Variants in ERAP1 observed in about 807,000 individuals in gnomAD.
The protein encoded by ERAP1 is adipocyte-derived leucine aminopeptidase.
A neutral mutation model predicts 103.7 loss-of-function variants in ERAP1; 86 were observed. The ratio of observed to expected loss-of-function variants is 0.83; its 90% CI spans 0.70 to 0.99. The LOEUF (loss-of-function observed/expected upper bound fraction) is 0.99, where lower values mean the gene tolerates loss of function less well. Among genes scored for constraint, ERAP1 ranks in the 50% least tolerant of loss-of-function variants. The pLI is 0.00. For missense variants in ERAP1, 1,009 were observed against 1,128.4 expected (o/e 0.89, Z 1.52); for synonymous variants, 398 against 402.4 (o/e 0.99, Z 0.13).
At chr5:96,876,958 A>G in the ERAP1 span, among the ~76,000 whole-genome samples, 1 of 151,938 alleles carries the variant, frequency 6.6e-6, no homozygotes, top group Non-Finnish European at 1.5e-5. Context: ...CTGTTTATTT[A>G]ATTTAATTTA....
At chr5:96,853,988 A>G in the ERAP1 span, among the ~76,000 whole-genome samples, 1 of 152,164 alleles carries the variant, frequency 6.6e-6, no homozygotes, top group Non-Finnish European at 1.5e-5. Flanking sequence ...CAGGTAAAAG[A>G]TGGGTTTTGA....
chr5:96,765,328 A>G, intron 19 of ERAP1: 1 of 8,666 alleles, frequency 1.2e-4, no homozygotes, highest in South Asian at 2.3e-3. Flanking sequence ...AAGTAAAGGT[A>G]AAAAAAAAAA....
chr5:96,808,093 G>A (rs1047649028), upstream of ERAP1: 3 of 985,574 alleles, frequency 3.0e-6, no homozygotes, highest in African/African-American at 3.5e-5. Flanking sequence ...CCCAGGAAGG[G>A]AATTGGTAAA....
chr5:96,908,978 T>C, the ERAP1 span: 2 of 1,614,152 alleles, frequency 1.2e-6, no homozygotes, highest in South Asian at 1.1e-5. Context: ...AGACTGACCC[T>C]AGACAAAGCT....
chr5:96,880,020 G>A, the ERAP1 span: 1 of 1,614,114 alleles, frequency 6.2e-7, no homozygotes, highest in Non-Finnish European at 8.5e-7. Flanking sequence ...ATCTTGCACA[G>A]CAAAGATCTT....
intron 19 of ERAP1, among the ~76,000 whole-genome samples, chr5:96,766,516 G>C (rs953389089): frequency 6.6e-6 from 1 of 152,178 alleles, no homozygotes. Flanking sequence ...CTGGTGTTGG[G>C]ATAATTAATA....
chr5:96,776,100 G>T lies in ERAP1; in HGVS notation c.*296C>A. The T allele has an allele frequency of 7.5e-7, 1 of 1,333,354 alleles. No individual in the cohort carries two copies. Among genetic ancestry groups the T allele is most frequent in the South Asian group, 1.3e-5 (1 of 75,956 alleles). 82.6% of individuals were successfully genotyped at this position (1,333,354 alleles called of 1,614,324 possible). On this transcript the variant is annotated 3_prime_UTR_variant, in exon 19 of 19. Coordinates refer to ENST00000443439, the MANE Select transcript of ERAP1 (RefSeq NM_001040458.3). ...ATGGGGTACAGGGTTTTGGACACGG[G>T]TGCTTAAGCATAAACTATAAAATGA...
the ERAP1 span, among the ~76,000 whole-genome samples, chr5:96,860,243 G>A: frequency 4.6e-5 from 7 of 151,976 alleles, no homozygotes; most frequent in Admixed American, 2.0e-4. Flanking sequence ...TGGTACAGAC[G>A]GAGTTTCACC....
chr5:96,809,337 T>C (rs905023304), upstream of ERAP1, among the ~76,000 whole-genome samples: 2 of 152,196 alleles, frequency 1.3e-5, no homozygotes, highest in Admixed American at 1.3e-4. Flanking sequence ...CTATTCAAGA[T>C]GGAGTTGCTC....
the ERAP1 span, chr5:96,889,596 C>A: frequency 6.0e-6 from 4 of 664,360 alleles, no homozygotes; most frequent in African/African-American, 1.8e-5. Flanking sequence ...GAGGCTGGGA[C>A]GGAAGCCAGG....
chr5:96,911,360 G>A, the ERAP1 span, among the ~76,000 whole-genome samples: 1 of 152,036 alleles, frequency 6.6e-6, no homozygotes, highest in Non-Finnish European at 1.5e-5. Flanking sequence ...TTATTGATCC[G>A]TTGACATTTG....
intron 1 of ERAP1, 99 bp downstream of exon 1, chr5:96,807,761 A>AG (rs1778815176): frequency 1.2e-6 from 1 of 864,978 alleles, no homozygotes. Context: ...CCCGTGCCCC[A>AG]GGCCCTCAGC....
intron 9 of ERAP1, 50 bp downstream of exon 9, chr5:96,790,462 A>T: frequency 6.2e-7 from 1 of 1,612,000 alleles, no homozygotes; most frequent in South Asian, 1.1e-5. Flanking sequence ...ACAAAACAAG[A>T]TGATAAGCCT....
chr5:96,890,749 C>A, the ERAP1 span, among the ~76,000 whole-genome samples: 223 of 152,228 alleles, frequency 1.5e-3, 1 homozygote, highest in African/African-American at 5.0e-3. Flanking sequence ...GGACTTATTT[C>A]GATAGTTCCT....
chr5:96,787,398 T>C (rs924869201), intron 11 of ERAP1, among the ~76,000 whole-genome samples: 3 of 152,110 alleles, frequency 2.0e-5, no homozygotes, highest in African/African-American at 7.2e-5. Context: ...CCTGAGTAGC[T>C]GGGACTACAG....
the ERAP1 span, among the ~76,000 whole-genome samples, chr5:96,865,349 A>G: frequency 6.6e-6 from 1 of 152,210 alleles, no homozygotes; most frequent in Non-Finnish European, 1.5e-5. Context: ...CTGAAATAAT[A>G]TAACCTGTTG....
chr5:96,815,723 T>A, the ERAP1 span, among the ~76,000 whole-genome samples: 2 of 152,184 alleles, frequency 1.3e-5, no homozygotes, highest in African/African-American at 4.8e-5. Context: ...TTTAATTCTT[T>A]TTTTTCTTTA....
chr5:96,829,934 G>C, the ERAP1 span, among the ~76,000 whole-genome samples: 2 of 152,154 alleles, frequency 1.3e-5, no homozygotes, highest in African/African-American at 4.8e-5. Flanking sequence ...GACAGACTAC[G>C]TAAATTGAAC....
At chr5:96,852,099 C>T in the ERAP1 span, among the ~76,000 whole-genome samples, 11 of 151,792 alleles carry the variant, frequency 7.2e-5, no homozygotes, top group African/African-American at 2.7e-4. Flanking sequence ...ATTCAACAAA[C>T]TTACTCTGTG....
Sources: allele counts gnomAD v4.1 joint callset (sites outside exome capture counted in the v4.1 genomes callset), GRCh38; gene constraint gnomAD v4.1.1; transcripts MANE v1.5; gene names NCBI Gene and HGNC (gene_info 2026-07-23, HGNC 2026-07-21).